The following KLF12 variants were observed in gnomAD, a reference collection of about 807,000 sequenced individuals.
KLF12 encodes the protein Krueppel-like factor 12.
In KLF12, 9 loss-of-function variants were observed where a neutral mutation model predicts 37.8. The observed-to-expected ratio is 0.24, with a 90% CI of 0.14 to 0.42. The LOEUF is 0.42. Ranked by LOEUF, KLF12 falls within the 10% of genes least tolerant of loss-of-function variation. KLF12 has a pLI of 1.00. For missense variants in KLF12, 411 were observed against 516.0 expected, an observed-to-expected ratio of 0.80 and a Z score of 1.97; for synonymous variants, 208 against 202.1, an observed-to-expected ratio of 1.03 and a Z score of -0.25.
chr13:74,087,095 T>C (rs984215650), intron 1 of KLF12, among the ~76,000 whole-genome samples: 1 of 152,150 alleles, frequency 6.6e-6, no homozygotes, highest in East Asian at 1.9e-4. Context: ...CTGGAACATT[T>C]TGTTTATGTG....
At chr13:73,883,722 T>A (rs138170451) in intron 3 of KLF12, among the ~76,000 whole-genome samples, 2 of 152,178 alleles carry the variant, frequency 1.3e-5, no homozygotes, top group South Asian at 4.1e-4. Context: ...ATGTACATAG[T>A]TTAACTGTAA....
In KLF12 at chr13:73,786,829, G is replaced by A. The variant is rs1292600481; in HGVS notation, c.807-21829C>T. Among the ~76,000 whole-genome samples the A allele has an allele frequency of 3.3e-5, 5 of 152,114 alleles. No individual in the cohort carries two copies. The East Asian group carries it at 9.7e-4, about 29-fold the overall frequency. On this transcript the variant is annotated intron_variant, in intron 5 of 7. Coordinates refer to ENST00000377669, the MANE Select transcript of KLF12 (RefSeq NM_007249.5). ...AGTCCCAGTGACTTGGGAGGCTGAG[G>A]TGCGAGGAATGCTTGAGCCCAGGAG...
intron 5 of KLF12, among the ~76,000 whole-genome samples, chr13:73,781,815 GC>G (rs1363193298): frequency 2.0e-5 from 3 of 151,684 alleles, no homozygotes; most frequent in African/African-American, 7.3e-5. Flanking sequence ...CTATTACCAA[GC>G]AGTAAAATAG....
intron 1 of KLF12, among the ~76,000 whole-genome samples, chr13:74,057,562 T>A (rs1873317139): frequency 6.6e-6 from 1 of 152,214 alleles, no homozygotes; most frequent in African/African-American, 2.4e-5. Flanking sequence ...ACCATATCAA[T>A]CAGTCACTTC....
intron 1 of KLF12, among the ~76,000 whole-genome samples, chr13:74,001,715 T>C (rs941652765): frequency 2.0e-5 from 3 of 152,232 alleles, no homozygotes; most frequent in Admixed American, 2.0e-4. Context: ...TTAAAATATG[T>C]TGCTCTTATC....
the KLF12 span, among the ~76,000 whole-genome samples, chr13:74,298,358 C>T: frequency 6.6e-6 from 1 of 152,178 alleles, no homozygotes; most frequent in Non-Finnish European, 1.5e-5. Context: ...CAGGTGTCAT[C>T]TGCTGTTCCC....
At chr13:74,262,296 T>C in the KLF12 span, among the ~76,000 whole-genome samples, 1 of 152,254 alleles carries the variant, frequency 6.6e-6, no homozygotes. Flanking sequence ...GTTGGATCAA[T>C]ATTTTGTGAA....
rs946078690 is a variant in KLF12 at position 74,072,382 on chromosome 13, T to TATATAA, written c.-32+61356_-32+61357insTTATAT. On this transcript the variant is annotated intron_variant, in intron 1 of 7. Coordinates refer to ENST00000377669, the MANE Select transcript of KLF12 (RefSeq NM_007249.5). Reference sequence around the variant, plus strand: ...AAATACAAATATATATATATATATATATATATATATATATATATATATATA... The same window carrying TATATAA: ...AAATACAAATATATATATATATATATATATAAATATATATATATATATATATATATA... 3.8e-4 allele frequency among the ~76,000 whole-genome samples: 46 copies of TATATAA among 120,416 alleles called. 1 individual carries two copies. The highest frequency in any genetic ancestry group is 1.4e-3 in the African/African-American group (44 of 30,514). The allele number at this position is 120,416 out of a possible 152,430, so 79.0% of individuals were successfully genotyped here.
intron 1 of KLF12, among the ~76,000 whole-genome samples, chr13:74,098,773 C>T (rs919261363): frequency 6.6e-6 from 1 of 152,126 alleles, no homozygotes; most frequent in Non-Finnish European, 1.5e-5. Flanking sequence ...TCATAATAGG[C>T]TTAACATTTT....
At chr13:73,756,317 C>T (rs937993070) in intron 6 of KLF12, among the ~76,000 whole-genome samples, 13 of 152,006 alleles carry the variant, frequency 8.6e-5, no homozygotes, top group Admixed American at 2.0e-4. Context: ...GCAATAACTA[C>T]GTATGTTTGG....
intron 1 of KLF12, among the ~76,000 whole-genome samples, chr13:74,000,493 T>C (rs1166110440): frequency 6.6e-6 from 1 of 152,192 alleles, no homozygotes; most frequent in African/African-American, 2.4e-5. Flanking sequence ...TTAAAATACT[T>C]CATTTATAAA....
chr13:73,964,378 G>C (rs1474621689), intron 2 of KLF12, among the ~76,000 whole-genome samples: 1 of 152,158 alleles, frequency 6.6e-6, no homozygotes, highest in East Asian at 1.9e-4. Context: ...ATAGCTCACA[G>C]AACACAGAAG....
At chr13:74,302,847 AAAAGAAAAGGGGAAATGAGTGCTGTG>A in the KLF12 span, among the ~76,000 whole-genome samples, 1 of 152,116 alleles carries the variant, frequency 6.6e-6, no homozygotes, top group Non-Finnish European at 1.5e-5. Context: ...TGCTGCTTCC[AAAAGAAAAGGGGAAATGAGTGCTGTG>A]TGCTCTTCTC....
intron 6 of KLF12, among the ~76,000 whole-genome samples, chr13:73,756,556 A>G (rs2325557): frequency 0.97 from 148,376 of 152,276 alleles, 72,396 homozygotes; most frequent in East Asian, 1. Context: ...AGGCATTACG[A>G]CCTTATGGAA....
At chr13:74,183,982 A>C in the KLF12 span, among the ~76,000 whole-genome samples, 1 of 152,152 alleles carries the variant, frequency 6.6e-6, no homozygotes, top group African/African-American at 2.4e-5. Flanking sequence ...TATTCTAATA[A>C]AGTTATGGTG....
At chr13:73,828,840 A>T (rs1474243321) in intron 4 of KLF12, among the ~76,000 whole-genome samples, 1 of 152,138 alleles carries the variant, frequency 6.6e-6, no homozygotes, top group Non-Finnish European at 1.5e-5. Flanking sequence ...ATACCAACTT[A>T]TCTACTTGTC....
chr13:73,974,310 C>CAAAAAAAA (rs61516158), intron 2 of KLF12, among the ~76,000 whole-genome samples: 3 of 146,292 alleles, frequency 2.1e-5, no homozygotes, highest in African/African-American at 7.6e-5. Flanking sequence ...AACTTCAAGA[C>CAAAAAAAA]AAAAAAAAAA....
At chr13:74,271,472 A>G in the KLF12 span, among the ~76,000 whole-genome samples, 357 of 152,328 alleles carry the variant, frequency 2.3e-3, no homozygotes, top group African/African-American at 8.1e-3. Context: ...CCATTTTTAT[A>G]TCATAGCAGA....
chr13:74,130,055 T>A (rs902649439), intron 1 of KLF12, among the ~76,000 whole-genome samples: 8 of 152,234 alleles, frequency 5.3e-5, no homozygotes, highest in African/African-American at 1.9e-4. Context: ...CCTAAGACTG[T>A]TGACCTTCTG....
Sources: allele counts gnomAD v4.1 joint callset (sites outside exome capture counted in the v4.1 genomes callset), GRCh38; gene constraint gnomAD v4.1.1; transcripts MANE v1.5; gene names NCBI Gene and HGNC (gene_info 2026-07-23, HGNC 2026-07-21).